The following KCNIP4 variants were observed in gnomAD, a reference collection of about 807,000 sequenced individuals.
KCNIP4 encodes potassium voltage-gated channel interacting protein 4, also known as Kv channel-interacting protein 4.
Under a neutral mutation model 34.0 loss-of-function variants are expected in KCNIP4, and 12 were observed. The ratio of observed to expected loss-of-function variants is 0.35; its 90% confidence interval spans 0.23 to 0.57. The LOEUF (loss-of-function observed/expected upper bound fraction) is 0.57, where lower values mean the gene tolerates loss of function less well. Ranked by LOEUF, KCNIP4 falls within the 20% of genes least tolerant of loss-of-function variation. The probability of loss-of-function intolerance (pLI) is 0.83; values close to 1 mark genes in which losing one functional copy is unlikely to be tolerated. For synonymous variants in KCNIP4, 124 were observed against 102.2 expected, an observed-to-expected ratio of 1.21 and a Z score of -1.29; for missense variants, 238 against 311.7, an observed-to-expected ratio of 0.76 and a Z score of 1.78.
intron 1 of KCNIP4, among the ~76,000 whole-genome samples, chr4:21,468,883 C>T (rs1342674925): frequency 6.6e-6 from 1 of 152,150 alleles, no homozygotes; most frequent in African/African-American, 2.4e-5. Flanking sequence ...TATTTGTGCA[C>T]AAGTTTGTCT....
intron 1 of KCNIP4, among the ~76,000 whole-genome samples, chr4:21,842,187 A>G (rs1723726840): frequency 6.6e-6 from 1 of 152,160 alleles, no homozygotes; most frequent in South Asian, 2.1e-4. Context: ...TAATAACCAT[A>G]ATATGCAGAA....
chr4:20,952,301 A>G (rs1469780862), intron 1 of KCNIP4, among the ~76,000 whole-genome samples: 3 of 152,204 alleles, frequency 2.0e-5, no homozygotes, highest in Non-Finnish European at 4.4e-5. Flanking sequence ...AGGCACTTCT[A>G]TGTATTTAAA....
chr4:21,125,688 G>A (rs1750557575), intron 1 of KCNIP4, among the ~76,000 whole-genome samples: 1 of 152,110 alleles, frequency 6.6e-6, no homozygotes, highest in South Asian at 2.1e-4. Flanking sequence ...ATGGCAATGA[G>A]ACTTTTGGAC....
chr4:21,330,982 A>G (rs1457076111), intron 1 of KCNIP4, among the ~76,000 whole-genome samples: 2 of 152,162 alleles, frequency 1.3e-5, no homozygotes, highest in Non-Finnish European at 2.9e-5. Context: ...CAGGACCGAA[A>G]TTAAATAGGA....
At chr4:20,987,144 A>G (rs1179395696) in intron 1 of KCNIP4, among the ~76,000 whole-genome samples, 2 of 152,212 alleles carry the variant, frequency 1.3e-5, no homozygotes, top group African/African-American at 4.8e-5. Flanking sequence ...AGTTGCCTGC[A>G]TAGCGCTTTG....
chr4:21,201,528 G>A lies in KCNIP4; in HGVS notation c.62-318819C>T, dbSNP rs574146257. 1.8e-4 allele frequency among the ~76,000 whole-genome samples: 27 copies of A among 152,120 alleles called. No individual in the cohort carries two copies. The East Asian group carries it at 2.5e-3, about 14-fold the overall frequency. Reference sequence around the variant, plus strand: ...TATTTTGTTTTTGAGATGGACTCTCGCTCTCTGTTGCTCAGGCTGGAGTGC... The same window carrying A: ...TATTTTGTTTTTGAGATGGACTCTCACTCTCTGTTGCTCAGGCTGGAGTGC... On this transcript the variant is annotated intron_variant, in intron 1 of 8. Transcript: ENST00000382152.
chr4:21,268,902 T>A (rs559901001), intron 1 of KCNIP4, among the ~76,000 whole-genome samples: 70 of 152,288 alleles, frequency 4.6e-4, no homozygotes, highest in Non-Finnish European at 8.8e-4. Flanking sequence ...AAGGTGCATG[T>A]GGGGTGTGTC....
At chr4:21,854,903 G>A (rs1043494246) in intron 1 of KCNIP4, among the ~76,000 whole-genome samples, 1 of 152,110 alleles carries the variant, frequency 6.6e-6, no homozygotes, top group Non-Finnish European at 1.5e-5. Context: ...TGAGAGTTTG[G>A]ACTGTGTTTT....
intron 1 of KCNIP4, among the ~76,000 whole-genome samples, chr4:21,909,044 T>C (rs1728155965): frequency 6.6e-6 from 1 of 152,030 alleles, no homozygotes; most frequent in Non-Finnish European, 1.5e-5. Flanking sequence ...TTCAGGAAGG[T>C]AGGATTTGGT....
At chr4:21,332,142 T>C (rs1248394081) in intron 1 of KCNIP4, among the ~76,000 whole-genome samples, 1 of 152,046 alleles carries the variant, frequency 6.6e-6, no homozygotes, top group Admixed American at 6.6e-5. Context: ...TAAAATGGAA[T>C]CAGAAGCAGC....
At chr4:20,806,927 T>C (rs1024938086) in intron 3 of KCNIP4, among the ~76,000 whole-genome samples, 1 of 152,128 alleles carries the variant, frequency 6.6e-6, no homozygotes, top group Non-Finnish European at 1.5e-5. Flanking sequence ...ACAGAGCCAA[T>C]TGATATCCAA....
chr4:20,782,658 C>T (rs1756974476), intron 3 of KCNIP4, among the ~76,000 whole-genome samples: 1 of 152,118 alleles, frequency 6.6e-6, no homozygotes, highest in Non-Finnish European at 1.5e-5. Flanking sequence ...AGCATGGGGA[C>T]CCTGGGCTCT....
At position 20,732,866 on chromosome 4, in the gene KCNIP4, A is replaced by G. The variant is rs1386053737; in HGVS notation, c.538-81T>C. On this transcript the variant is annotated intron_variant, in intron 6 of 8. Transcript: ENST00000382152. ...TAAGAAGCTCTGACAGATTTTTCCT[A>G]CTCAATTTTAAATTTTTGACTTTTT... 7 of 837,546 alleles carry G rather than the reference A, an allele frequency of 8.4e-6. No individual in the cohort carries two copies. The African/African-American group carries it at 1.0e-4, about 13-fold the overall frequency. The allele number at this position is 837,546 out of a possible 1,614,324, so 51.9% of individuals were successfully genotyped here.
At chr4:21,858,182 A>G (rs1009776469) in intron 1 of KCNIP4, among the ~76,000 whole-genome samples, 1 of 152,238 alleles carries the variant, frequency 6.6e-6, no homozygotes, top group Non-Finnish European at 1.5e-5. Flanking sequence ...TCAGCCTGCC[A>G]GGTCAAGAGG....
chr4:21,390,399 T>A (rs918737247), intron 1 of KCNIP4, among the ~76,000 whole-genome samples: 1 of 152,206 alleles, frequency 6.6e-6, no homozygotes, highest in Non-Finnish European at 1.5e-5. Context: ...TTCAATGGTA[T>A]TGCCTAGGTT....
chr4:21,504,511 G>GAAA (rs1209348753), intron 1 of KCNIP4, among the ~76,000 whole-genome samples: 9 of 141,318 alleles, frequency 6.4e-5, no homozygotes, highest in African/African-American at 2.3e-4. Context: ...AAGAAAGGAA[G>GAAA]GAAGGAAGAA....
intron 1 of KCNIP4, among the ~76,000 whole-genome samples, chr4:21,147,795 C>T (rs1044183580): frequency 3.3e-5 from 5 of 151,414 alleles, no homozygotes; most frequent in African/African-American, 4.8e-5. Context: ...AAAAATTAGC[C>T]GAGCATGGTG....
At chr4:20,986,964 G>C (rs1043480032) in intron 1 of KCNIP4, among the ~76,000 whole-genome samples, 1 of 152,066 alleles carries the variant, frequency 6.6e-6, no homozygotes, top group African/African-American at 2.4e-5. Context: ...CTACCGGATC[G>C]AATCTGCTGG....
Position 21,519,582 on chromosome 4 carries a change from GTGTA to G in KCNIP4, c.61+428985_61+428988del, listed in dbSNP as rs1323460168. 5.0e-4 allele frequency among the ~76,000 whole-genome samples: 11 copies of G among 21,784 alleles called. 2 individuals carry two copies. Among genetic ancestry groups the G allele is most frequent in the Admixed American group, 1.2e-3 (2 of 1,616 alleles). The allele number at this position is 21,784 out of a possible 152,430, so 14.3% of individuals were successfully genotyped here. ...TATGTGTATATATACACATATGTGT[GTGTA>G]TGTATGTGTATATATACACATATGT... On this transcript the variant is annotated intron_variant, in intron 1 of 8. Transcript: ENST00000382152.
Sources: gnomAD v4.1 joint callset for allele counts (sites outside exome capture counted in the v4.1 genomes callset) on GRCh38, gnomAD v4.1.1 for gene constraint, MANE v1.5 for transcripts, NCBI Gene and HGNC (gene_info 2026-07-23, HGNC 2026-07-21) for gene names.